CRISPLD1: variants seen among roughly 807,000 people sequenced by gnomAD.
The protein encoded by CRISPLD1 is cysteine-rich secretory protein LCCL domain-containing 1.
CRISPLD1 carries 60 observed loss-of-function variants against 77.5 expected under a neutral mutation model. That is an observed-to-expected ratio of 0.77 (90% CI 0.63 to 0.96). The LOEUF (loss-of-function observed/expected upper bound fraction) is 0.96. Ranked by LOEUF, CRISPLD1 falls within the 40% of genes least tolerant of loss-of-function variation. CRISPLD1 has a pLI of 0.00. For missense variants in CRISPLD1, 623 were observed against 615.8 expected, an observed-to-expected ratio of 1.01 and a Z score of -0.12; for synonymous variants, 195 against 200.1, an observed-to-expected ratio of 0.97 and a Z score of 0.22.
chr8:75,012,345 A>G, intron 2 of CRISPLD1, 88 bp from the exon 3 acceptor site: 2 of 763,906 alleles, frequency 2.6e-6, no homozygotes, highest in Non-Finnish European at 4.5e-6. Flanking sequence ...AGAAAGAAAG[A>G]AGAAAATGTA....
At chr8:74,991,014 A>G (rs1812565413) in intron 2 of CRISPLD1, among the ~76,000 whole-genome samples, 1 of 148,926 alleles carries the variant, frequency 6.7e-6, no homozygotes, top group South Asian at 2.1e-4. Context: ...TTTTTTCGAG[A>G]TGGAATCTCA....
intron 14 of CRISPLD1, among the ~76,000 whole-genome samples, chr8:75,030,738 GTA>G (rs1350560901): frequency 1.5e-5 from 2 of 134,312 alleles, no homozygotes; most frequent in African/African-American, 5.4e-5. Flanking sequence ...GTGTATATAT[GTA>G]TGAGTGTGTG....
At chr8:74,991,872 C>T (rs1812578252) in intron 2 of CRISPLD1, among the ~76,000 whole-genome samples, 1 of 152,174 alleles carries the variant, frequency 6.6e-6, no homozygotes, top group South Asian at 2.1e-4. Context: ...CCTTGTCTTT[C>T]CTATAAAGCT....
chr8:74,990,844 A>C (rs1812562530), intron 2 of CRISPLD1, among the ~76,000 whole-genome samples: 1 of 151,844 alleles, frequency 6.6e-6, no homozygotes, highest in Admixed American at 6.6e-5. Context: ...TATCACACAC[A>C]CACAAACATC....
At chr8:75,010,206 T>C (rs1812904656) in intron 2 of CRISPLD1, among the ~76,000 whole-genome samples, 1 of 152,130 alleles carries the variant, frequency 6.6e-6, no homozygotes, top group African/African-American at 2.4e-5. Context: ...TTTCCCTTTG[T>C]GATTTGATCC....
In CRISPLD1 at chr8:75,017,253, A is replaced by T. The variant is rs1813048728; in HGVS notation, c.997-67A>T. 7 of 1,572,186 alleles carry T rather than the reference A, an allele frequency of 4.5e-6. No individual in the cohort carries two copies. In the South Asian group the frequency reaches 8.0e-5, roughly 18 times the overall value. The stretch of plus-strand genomic sequence containing the variant: ...TTTAATTGAAAGTCACATAAGTGGT[A>T]AATAGTTGGGACTTATGCAGAACTC... On this transcript the variant is annotated intron_variant, in intron 9 of 14. Transcript: ENST00000262207.
chr8:74,992,950 A>G (rs186148541), intron 2 of CRISPLD1, among the ~76,000 whole-genome samples: 1 of 148,466 alleles, frequency 6.7e-6, no homozygotes, highest in East Asian at 2.0e-4. Context: ...AGTATAGAAG[A>G]TAACTCCAGA....
intron 2 of CRISPLD1, among the ~76,000 whole-genome samples, chr8:75,009,146 C>G (rs1812885120): frequency 6.6e-6 from 1 of 152,036 alleles, no homozygotes; most frequent in Non-Finnish European, 1.5e-5. Context: ...CTTGAGGTGT[C>G]TCATGATTGC....
intron 2 of CRISPLD1, among the ~76,000 whole-genome samples, chr8:74,988,577 T>C (rs901147338): frequency 2.6e-5 from 4 of 152,174 alleles, no homozygotes; most frequent in African/African-American, 9.7e-5. Flanking sequence ...GGTTCACATC[T>C]GTAATTCCAA....
intron 2 of CRISPLD1, among the ~76,000 whole-genome samples, chr8:74,994,567 G>T (rs1587005705): frequency 6.6e-6 from 1 of 152,160 alleles, no homozygotes; most frequent in African/African-American, 2.4e-5. Context: ...ATTAGAGGAG[G>T]TGGAACCCAA....
intron 2 of CRISPLD1, among the ~76,000 whole-genome samples, chr8:75,001,228 C>A: frequency 6.6e-6 from 1 of 151,988 alleles, no homozygotes; most frequent in Non-Finnish European, 1.5e-5. Flanking sequence ...AGTAGAATAC[C>A]TTTTGGCTTA....
At chr8:75,000,074 C>A in intron 2 of CRISPLD1, 3 of 901,440 alleles carry the variant, frequency 3.3e-6, no homozygotes, top group Non-Finnish European at 4.0e-6. Flanking sequence ...TTAGGCAAGA[C>A]CAGGAGTGAA....
At position 75,016,687 on chromosome 8, in the gene CRISPLD1, A is replaced by G; in HGVS notation, c.850A>G (p.Ile284Val). 6.2e-7 allele frequency: 1 copy of G among 1,613,024 alleles called. No individual in the cohort carries two copies. Among genetic ancestry groups the G allele is most frequent in the Non-Finnish European group, 8.5e-7 (1 of 1,179,344 alleles). Reference sequence around the variant, plus strand: ...AGATGATAGTAGCAGAAATGAAGTCATAAGCGCACAGCAAATGTGTAAGAC... The same window carrying G: ...AGATGATAGTAGCAGAAATGAAGTCGTAAGCGCACAGCAAATGTGTAAGAC... ...RSDDSSRNEV[I>V]SAQQMSQIVS... is the part of the protein sequence containing the mutation. Residue 284 changes from isoleucine to valine, a missense_variant, in exon 7 of 15, where the codon ATA becomes GTA. Coordinates refer to ENST00000262207, the MANE Select transcript of CRISPLD1 (RefSeq NM_031461.6).
intron 1 of CRISPLD1, 145 bp from the exon 2 acceptor site, chr8:74,985,781 T>C (rs1812485992): frequency 1.6e-6 from 1 of 633,382 alleles, no homozygotes; most frequent in East Asian, 2.6e-5. Context: ...AGATAAGTTA[T>C]TTCAAAATGT....
At chr8:74,985,631 A>G (rs1383258846) in intron 1 of CRISPLD1, among the ~76,000 whole-genome samples, 3 of 152,322 alleles carry the variant, frequency 2.0e-5, no homozygotes, top group East Asian at 3.9e-4. Context: ...CAATTCACAT[A>G]GTATTTTCAA....
Position 75,020,033 on chromosome 8 carries a change from G to A in CRISPLD1, c.1198G>A (p.Val400Met). The change falls in exon 12 of 15, where the codon GTG becomes ATG. Residue 400 changes from valine (V) to methionine (M), a missense_variant. Physicochemically the swap from Val to Met is conservative, Grantham distance 21. Transcript: ENST00000262207. The part of the protein sequence containing the change: ...TVQAVTCETT[V>M]EQLCPFHKPA... ...TCAGGCTGTGACTTGTGAAACAACTGTGGAACAGCTCTGTCCATTTCATAA... is the reference window on the plus strand; with the variant it reads ...TCAGGCTGTGACTTGTGAAACAACTATGGAACAGCTCTGTCCATTTCATAA... The A allele has an allele frequency of 1.2e-6, 2 of 1,614,134 alleles. No individual in the cohort carries two copies. Among genetic ancestry groups the A allele is most frequent in the Non-Finnish European group, 1.7e-6 (2 of 1,179,994 alleles).
At chr8:75,025,421 A>AG (rs1224512690) in intron 12 of CRISPLD1, 125 bp from the exon 13 acceptor site, 1 of 293,732 alleles carries the variant, frequency 3.4e-6, no homozygotes, top group Admixed American at 4.9e-5. Context: ...CTATTTCAGG[A>AG]GAAAAAATGA....
At chr8:74,992,824 G>T (rs1015232810) in intron 2 of CRISPLD1, among the ~76,000 whole-genome samples, 1 of 150,948 alleles carries the variant, frequency 6.6e-6, no homozygotes, top group East Asian at 2.0e-4. Context: ...AGTCCTGGGT[G>T]TATGTTGATG....
At chr8:75,020,400 T>A (rs1813113350) in intron 12 of CRISPLD1, among the ~76,000 whole-genome samples, 1 of 152,194 alleles carries the variant, frequency 6.6e-6, no homozygotes, top group Non-Finnish European at 1.5e-5. Context: ...GAGGAATTTA[T>A]TTCTCACAGT....
Sources: allele counts gnomAD v4.1 joint callset (sites outside exome capture counted in the v4.1 genomes callset), GRCh38; gene constraint gnomAD v4.1.1; transcripts MANE v1.5; gene names NCBI Gene and HGNC (gene_info 2026-07-23, HGNC 2026-07-21).